OXR1: variants seen among roughly 807,000 people sequenced by gnomAD.
OXR1 encodes oxidation resistance protein 1.
A neutral mutation model predicts 104.6 loss-of-function variants in OXR1; 41 were observed. The ratio of observed to expected loss-of-function variants is 0.39; its 90% CI spans 0.31 to 0.51. The LOEUF is 0.51. Ranked by LOEUF, OXR1 falls within the 20% of genes least tolerant of loss-of-function variation. The pLI is 0.77. For synonymous variants in OXR1, 348 were observed against 348.4 expected (o/e 1.00, Z 0.01); for missense variants, 955 against 1,031.9 (o/e 0.93, Z 1.02).
intron 2 of OXR1, among the ~76,000 whole-genome samples, chr8:106,429,712 A>T (rs1472885750): frequency 6.6e-6 from 1 of 151,920 alleles, no homozygotes; most frequent in Non-Finnish European, 1.5e-5. Flanking sequence ...ATATAGATAT[A>T]AGAATTCTCC....
chr8:106,337,189 A>T (rs966805402), intron 1 of OXR1, among the ~76,000 whole-genome samples: 1 of 152,212 alleles, frequency 6.6e-6, no homozygotes, highest in South Asian at 2.1e-4. Flanking sequence ...ATCATATGGC[A>T]TATTTAATGA....
intron 3 of OXR1, among the ~76,000 whole-genome samples, chr8:106,562,682 G>A (rs1369802884): frequency 6.6e-6 from 1 of 152,134 alleles, no homozygotes; most frequent in East Asian, 1.9e-4. Context: ...ATTCACCAAG[G>A]TTGAAATGAA....
chr8:106,482,944 G>C (rs1391270616), intron 2 of OXR1, among the ~76,000 whole-genome samples: 1 of 151,964 alleles, frequency 6.6e-6, no homozygotes, highest in East Asian at 1.9e-4. Flanking sequence ...TTACTATGAA[G>C]ATAAAATAAT....
At chr8:106,494,580 T>A (rs1811301161) in intron 2 of OXR1, among the ~76,000 whole-genome samples, 1 of 152,208 alleles carries the variant, frequency 6.6e-6, no homozygotes, top group African/African-American at 2.4e-5. Context: ...AGTTGGCTTA[T>A]GAATATTGAC....
intron 1 of OXR1, among the ~76,000 whole-genome samples, chr8:106,312,117 A>C (rs1390964385): frequency 1.1e-4 from 16 of 152,152 alleles, no homozygotes; most frequent in Admixed American, 1.0e-3. Context: ...TAAAGATTGA[A>C]TTTTATATGA....
chr8:106,658,442 T>A (rs942111197), intron 3 of OXR1, among the ~76,000 whole-genome samples: 14 of 152,214 alleles, frequency 9.2e-5, no homozygotes, highest in Non-Finnish European at 1.6e-4. Flanking sequence ...CTAGACTTGA[T>A]TTTCTTTCCC....
intron 11 of OXR1, among the ~76,000 whole-genome samples, chr8:106,725,644 T>C (rs1194960587): frequency 6.6e-6 from 1 of 151,998 alleles, no homozygotes; most frequent in Non-Finnish European, 1.5e-5. Flanking sequence ...TGAATATTTG[T>C]GTAGGATTTA....
chr8:106,512,869 A>G (rs1199082894), intron 2 of OXR1, among the ~76,000 whole-genome samples: 4 of 152,174 alleles, frequency 2.6e-5, no homozygotes, highest in Non-Finnish European at 1.5e-5. Flanking sequence ...AAGAAGCTTG[A>G]AGAAAGATTT....
In OXR1 at chr8:106,303,377, C is replaced by G. The variant is rs572894448; in HGVS notation, c.-139+33010C>G. Among the ~76,000 whole-genome samples the G allele has an allele frequency of 1.4e-4, 21 of 150,970 alleles. No individual in the cohort carries two copies. In the East Asian group the frequency reaches 3.0e-3, roughly 21 times the overall value. ...CACACCATTCTCCTGCCTCAGCCTC[C>G]CGAGTAGCCCGCCACCACGCCCGGC... On this transcript the variant is annotated intron_variant, in intron 1 of 16. Transcript: ENST00000517566.
At chr8:106,671,106 G>A (rs1587026043) in intron 3 of OXR1, among the ~76,000 whole-genome samples, 1 of 122,150 alleles carries the variant, frequency 8.2e-6, no homozygotes, top group African/African-American at 3.3e-5. Context: ...CTTTAATTCA[G>A]ATTCAAGCAT....
chr8:106,315,167 G>A (rs1239221314), intron 1 of OXR1, among the ~76,000 whole-genome samples: 3 of 151,730 alleles, frequency 2.0e-5, no homozygotes, highest in Admixed American at 1.3e-4. Flanking sequence ...TTTTGCTCAA[G>A]TTTTTTGTTT....
At chr8:106,511,552 C>G (rs913844397) in intron 2 of OXR1, among the ~76,000 whole-genome samples, 5 of 108,444 alleles carry the variant, frequency 4.6e-5, no homozygotes, top group Non-Finnish European at 1.1e-4. Context: ...CACACTCTCT[C>G]TCATACACAC....
At chr8:106,459,283 G>A (rs1404587894) in intron 2 of OXR1, among the ~76,000 whole-genome samples, 1 of 151,994 alleles carries the variant, frequency 6.6e-6, no homozygotes, top group African/African-American at 2.4e-5. Flanking sequence ...GGTGCCTGAT[G>A]AAAGGGTAAG....
intron 2 of OXR1, among the ~76,000 whole-genome samples, chr8:106,417,613 A>G (rs755982557): frequency 2.6e-5 from 4 of 152,018 alleles, no homozygotes; most frequent in Non-Finnish European, 5.9e-5. Flanking sequence ...GTCTACAAAA[A>G]CTCTTACTTT....
At chr8:106,564,360 A>G (rs1297254729) in intron 3 of OXR1, among the ~76,000 whole-genome samples, 1 of 152,184 alleles carries the variant, frequency 6.6e-6, no homozygotes, top group African/African-American at 2.4e-5. Flanking sequence ...AAACACCTCT[A>G]CGCAAATAAA....
At chr8:106,599,484 A>G (rs909301201) in intron 3 of OXR1, among the ~76,000 whole-genome samples, 7 of 152,134 alleles carry the variant, frequency 4.6e-5, no homozygotes, top group African/African-American at 9.7e-5. Flanking sequence ...GAGATTCTTT[A>G]ATTTTCTTTT....
At chr8:106,489,766 T>A (rs1334145343) in intron 2 of OXR1, among the ~76,000 whole-genome samples, 1 of 152,202 alleles carries the variant, frequency 6.6e-6, no homozygotes, top group African/African-American at 2.4e-5. Flanking sequence ...TTCTGTTGGC[T>A]TGAGTTTTGT....
At chr8:106,485,562 G>A (rs955872375) in intron 2 of OXR1, among the ~76,000 whole-genome samples, 5 of 152,038 alleles carry the variant, frequency 3.3e-5, no homozygotes, top group Non-Finnish European at 7.4e-5. Context: ...TCAGCCATTT[G>A]TTTTATACAT....
intron 1 of OXR1, among the ~76,000 whole-genome samples, chr8:106,274,163 T>A (rs920894193): frequency 6.6e-6 from 1 of 152,192 alleles, no homozygotes; most frequent in Non-Finnish European, 1.5e-5. Context: ...CGTATTGTAT[T>A]TAATTTCCAT....
Sources: allele counts gnomAD v4.1 joint callset (sites outside exome capture counted in the v4.1 genomes callset), GRCh38; gene constraint gnomAD v4.1.1; transcripts MANE v1.5; gene names NCBI Gene and HGNC (gene_info 2026-07-23, HGNC 2026-07-21).